The following SNTB1 variants were observed in gnomAD, a reference collection of about 807,000 sequenced individuals.
The protein encoded by SNTB1 is syntrophin beta 1.
In SNTB1, 36 loss-of-function variants were observed where a neutral mutation model predicts 48.9. The observed-to-expected ratio is 0.74, with a 90% confidence interval of 0.56 to 0.97. SNTB1 has a LOEUF of 0.97. Among genes scored for constraint, SNTB1 ranks in the 50% least tolerant of loss-of-function variants. The pLI, the probability that SNTB1 is intolerant of heterozygous loss-of-function variation, is 0.00. For missense variants in SNTB1, 786 were observed against 703.4 expected, an observed-to-expected ratio of 1.12 and a Z score of -1.33; for synonymous variants, 299 against 294.6, an observed-to-expected ratio of 1.01 and a Z score of -0.15.
intron 3 of SNTB1, among the ~76,000 whole-genome samples, chr8:120,621,530 C>CA (rs1816793755): frequency 6.6e-6 from 1 of 151,940 alleles, no homozygotes; most frequent in African/African-American, 2.4e-5. Context: ...TTTTGTGAGC[C>CA]AAAATAAAGT....
chr8:120,692,960 C>T (rs532408314), intron 2 of SNTB1, among the ~76,000 whole-genome samples: 2 of 152,236 alleles, frequency 1.3e-5, no homozygotes, highest in South Asian at 2.1e-4. Flanking sequence ...ATTTGGCTCA[C>T]GGTTCTGCAA....
intron 3 of SNTB1, among the ~76,000 whole-genome samples, chr8:120,583,090 G>A (rs1391415787): frequency 6.6e-6 from 1 of 152,116 alleles, no homozygotes; most frequent in Non-Finnish European, 1.5e-5. Context: ...GAAACATAGT[G>A]AGATCCTCTT....
At chr8:120,583,786 C>A (rs1816088066) in intron 3 of SNTB1, among the ~76,000 whole-genome samples, 1 of 152,010 alleles carries the variant, frequency 6.6e-6, no homozygotes, top group Admixed American at 6.6e-5. Flanking sequence ...AAATATATTA[C>A]AAAAATAGAA....
intron 3 of SNTB1, among the ~76,000 whole-genome samples, chr8:120,599,044 T>A (rs889833072): frequency 5.3e-5 from 8 of 152,170 alleles, no homozygotes; most frequent in Non-Finnish European, 8.8e-5. Context: ...TGTTCACAGG[T>A]TCCAGGGCTT....
intron 1 of SNTB1, among the ~76,000 whole-genome samples, chr8:120,749,387 C>T (rs770655627): frequency 3.9e-5 from 6 of 152,150 alleles, no homozygotes; most frequent in Non-Finnish European, 8.8e-5. Context: ...TGTACACTAG[C>T]AGTTGGCCAA....
chr8:120,645,083 G>A (rs1289377029), intron 2 of SNTB1, among the ~76,000 whole-genome samples: 1 of 147,800 alleles, frequency 6.8e-6, no homozygotes, highest in Non-Finnish European at 1.5e-5. Context: ...AGATGAGTAG[G>A]TTGCGAAAAT....
chr8:120,548,766 G>A lies in SNTB1; in HGVS notation c.1329C>T (p.Ser443=). 1 of 1,613,918 alleles carries A rather than the reference G, an allele frequency of 6.2e-7. No individual in the cohort carries two copies. The highest frequency in any genetic ancestry group is 8.5e-7 in the Non-Finnish European group (1 of 1,179,820). Residue 443 remains serine (S), a synonymous_variant, in exon 5 of 7, where the codon AGC becomes AGT. Transcript: ENST00000517992. The part of the protein sequence containing the change: ...HNSAELIAEI[S]TACTYKNQEC... ...GTAGCTCACTGCAGTACTCACCAGT[G>A]CTGATTTCAGCAATGAGTTCAGCAG...
At chr8:120,736,925 A>T (rs1167781622) in intron 1 of SNTB1, among the ~76,000 whole-genome samples, 1 of 151,814 alleles carries the variant, frequency 6.6e-6, no homozygotes, top group Non-Finnish European at 1.5e-5. Context: ...CTCTCTCTCC[A>T]TCTCTCTCTC....
chr8:120,548,494 C>A (rs12335198), intron 5 of SNTB1, among the ~76,000 whole-genome samples: 10,265 of 152,152 alleles, frequency 0.067, 749 homozygotes, highest in African/African-American at 0.18. Flanking sequence ...AGGAAGCCAC[C>A]CAGAGGTTAC....
chr8:120,619,330 GAA>G (rs1270874965), intron 3 of SNTB1, among the ~76,000 whole-genome samples: 2 of 151,126 alleles, frequency 1.3e-5, no homozygotes, highest in South Asian at 2.1e-4. Flanking sequence ...GAGAGAGAGA[GAA>G]AGAGACAGAG....
intron 1 of SNTB1, among the ~76,000 whole-genome samples, chr8:120,755,842 T>C (rs77599188): frequency 0.039 from 5,921 of 152,220 alleles, 364 homozygotes; most frequent in African/African-American, 0.13. Context: ...AACCAATAAC[T>C]GGAAGAAATA....
chr8:120,638,581 G>T (rs1447991667), intron 2 of SNTB1, among the ~76,000 whole-genome samples: 2 of 151,808 alleles, frequency 1.3e-5, no homozygotes, highest in African/African-American at 4.8e-5. Context: ...GACAGGCCCC[G>T]GTGTGTGATG....
At chr8:120,736,070 A>G (rs1413800354) in intron 1 of SNTB1, among the ~76,000 whole-genome samples, 2 of 152,132 alleles carry the variant, frequency 1.3e-5, no homozygotes, top group Non-Finnish European at 2.9e-5. Context: ...GTGGAAGGCA[A>G]AGGGGAAGCA....
At chr8:120,685,093 G>A (rs946840595) in intron 2 of SNTB1, among the ~76,000 whole-genome samples, 7 of 152,248 alleles carry the variant, frequency 4.6e-5, no homozygotes, top group Non-Finnish European at 8.8e-5. Context: ...AGCCAATGTG[G>A]CAGTTCTTAT....
intron 2 of SNTB1, among the ~76,000 whole-genome samples, chr8:120,646,144 A>T: frequency 7.3e-6 from 1 of 137,736 alleles, no homozygotes; most frequent in African/African-American, 2.7e-5. Flanking sequence ...TTCCTAATTG[A>T]ATACCCTTTA....
rs562496933 is a variant in SNTB1 at position 120,571,327 on chromosome 8, A to G, written c.1136+3759T>C. The G allele has an allele frequency of 2.8e-3, 3,648 of 1,288,120 alleles. 36 individuals are homozygous for G. Among genetic ancestry groups the G allele is most frequent in the Non-Finnish European group, 3.3e-3 (3,248 of 987,466 alleles). The allele number at this position is 1,288,120 out of a possible 1,614,324, so 79.8% of individuals were successfully genotyped here. ...TCTTTCTTTGGTTTCTGTTGCGGGA[A>G]TGTCTCAGAATCTGAAGATAATGTT... On this transcript the variant is annotated intron_variant, in intron 4 of 6. Transcript: ENST00000517992.
At chr8:120,719,489 T>A (rs981971840) in intron 1 of SNTB1, among the ~76,000 whole-genome samples, 1 of 152,160 alleles carries the variant, frequency 6.6e-6, no homozygotes, top group Non-Finnish European at 1.5e-5. Context: ...ACACTCCTAG[T>A]TTCTTAGAAG....
intron 1 of SNTB1, among the ~76,000 whole-genome samples, chr8:120,789,513 A>T (rs34255801): frequency 0.068 from 10,282 of 151,940 alleles, 507 homozygotes; most frequent in African/African-American, 0.14. Flanking sequence ...GAAGAGAAGA[A>T]ATTCAGATAA....
intron 2 of SNTB1, among the ~76,000 whole-genome samples, chr8:120,657,763 CA>C (rs1223154314): frequency 6.6e-6 from 1 of 152,094 alleles, no homozygotes; most frequent in African/African-American, 2.4e-5. Context: ...ATTGACTTAT[CA>C]ATTATTTTTT....
Sources: gnomAD v4.1 joint callset for allele counts (sites outside exome capture counted in the v4.1 genomes callset) on GRCh38, gnomAD v4.1.1 for gene constraint, MANE v1.5 for transcripts, NCBI Gene and HGNC (gene_info 2026-07-23, HGNC 2026-07-21) for gene names.